Variants in SEMA3A observed in about 807,000 individuals in gnomAD.
SEMA3A encodes the protein semaphorin 3A, also known as semaphorin-3A.
SEMA3A carries 29 observed loss-of-function variants against 97.9 expected under a neutral mutation model. The observed-to-expected ratio is 0.30, with a 90% confidence interval of 0.22 to 0.40. The LOEUF (loss-of-function observed/expected upper bound fraction) is 0.40, where lower values mean the gene tolerates loss of function less well. Ranked by LOEUF, SEMA3A falls within the 10% of genes least tolerant of loss-of-function variation. The pLI is 1.00. For missense variants in SEMA3A, 763 were observed against 951.3 expected (o/e 0.80, Z 2.60); for synonymous variants, 321 against 323.7 (o/e 0.99, Z 0.09).
intron 2 of SEMA3A, among the ~76,000 whole-genome samples, chr7:84,339,878 C>T (rs968057635): frequency 6.6e-6 from 1 of 151,574 alleles, no homozygotes; most frequent in Non-Finnish European, 1.5e-5. Flanking sequence ...ATGAGTAATC[C>T]TAAAAAAAAT....
intron 3 of SEMA3A, among the ~76,000 whole-genome samples, chr7:84,269,823 G>A (rs1044720768): frequency 6.6e-6 from 1 of 151,980 alleles, no homozygotes; most frequent in Non-Finnish European, 1.5e-5. Flanking sequence ...ATTTAATTTA[G>A]TGTTTTTGGC....
At chr7:84,111,854 T>C (rs920290283) in intron 3 of SEMA3A, among the ~76,000 whole-genome samples, 1 of 152,170 alleles carries the variant, frequency 6.6e-6, no homozygotes, top group Non-Finnish European at 1.5e-5. Flanking sequence ...AAAAATTTCC[T>C]AGCTTAAAAG....
intron 1 of SEMA3A, among the ~76,000 whole-genome samples, chr7:84,485,598 C>T (rs1243602340): frequency 6.6e-6 from 1 of 151,956 alleles, no homozygotes; most frequent in Admixed American, 6.5e-5. Flanking sequence ...TAGTCATGAA[C>T]TCCTGGGCTC....
intron 1 of SEMA3A, 55 bp downstream of exon 1, chr7:84,194,420 A>T: frequency 8.8e-7 from 1 of 1,136,698 alleles, no homozygotes; most frequent in Non-Finnish European, 1.3e-6. Flanking sequence ...TCAAGGAATT[A>T]AGGGGGGGGG....
chr7:84,246,512 G>GTT (rs989133110), intron 3 of SEMA3A, among the ~76,000 whole-genome samples: 7 of 151,816 alleles, frequency 4.6e-5, no homozygotes, highest in African/African-American at 1.5e-4. Flanking sequence ...TAAGACAGAG[G>GTT]TTATATATAG....
At chr7:84,265,713 T>C (rs1010899457) in intron 3 of SEMA3A, among the ~76,000 whole-genome samples, 1 of 151,892 alleles carries the variant, frequency 6.6e-6, no homozygotes, top group Non-Finnish European at 1.5e-5. Context: ...CTGTCTACAC[T>C]CCTAGGCCCA....
chr7:84,263,183 C>T (rs1048585925), intron 3 of SEMA3A, among the ~76,000 whole-genome samples: 4 of 151,588 alleles, frequency 2.6e-5, no homozygotes, highest in Admixed American at 2.0e-4. Context: ...TAAATGTATC[C>T]CCAAATTCTA....
chr7:84,126,694 C>T (rs771367734), intron 3 of SEMA3A, among the ~76,000 whole-genome samples: 15 of 152,132 alleles, frequency 9.9e-5, no homozygotes, highest in South Asian at 4.2e-4. Context: ...AGCTTTTTGA[C>T]GTTAATAGAT....
At chr7:83,966,418 G>C (rs1376032926) in intron 15 of SEMA3A, among the ~76,000 whole-genome samples, 2 of 152,084 alleles carry the variant, frequency 1.3e-5, no homozygotes, top group Non-Finnish European at 2.9e-5. Context: ...ACCACAATAG[G>C]TTAATTTGGT....
chr7:84,030,677 A>G lies in SEMA3A; in HGVS notation c.667+15647T>C, dbSNP rs557632119. ...ACACATATATGTTTTTGAAAGAACA[A>G]TTATAATAACAGATTCCTTGAATTA... is the stretch of plus-strand genomic sequence containing the variant. On this transcript the variant is annotated intron_variant, in intron 6 of 16. Transcript: ENST00000265362. Among the ~76,000 whole-genome samples the G allele has an allele frequency of 2.0e-5, 3 of 152,300 alleles. No individual in the cohort carries two copies. The East Asian group carries it at 5.8e-4, about 29-fold the overall frequency.
At chr7:84,463,449 C>G (rs144684573) in intron 1 of SEMA3A, among the ~76,000 whole-genome samples, 3 of 151,732 alleles carry the variant, frequency 2.0e-5, no homozygotes, top group Non-Finnish European at 4.4e-5. Context: ...GGGGTTTCAC[C>G]GTGTTAGCCA....
chr7:84,039,655 T>C (rs1792064850), intron 6 of SEMA3A, among the ~76,000 whole-genome samples: 1 of 152,144 alleles, frequency 6.6e-6, no homozygotes, highest in Non-Finnish European at 1.5e-5. Flanking sequence ...TTGAGAGACA[T>C]AAATGATTTT....
chr7:84,113,743 T>C (rs1795343006), intron 3 of SEMA3A, among the ~76,000 whole-genome samples: 1 of 152,124 alleles, frequency 6.6e-6, no homozygotes, highest in Admixed American at 6.6e-5. Context: ...GGCAACCATA[T>C]TGACCTCTTA....
chr7:84,452,835 G>A (rs951826090), intron 1 of SEMA3A, among the ~76,000 whole-genome samples: 6 of 152,016 alleles, frequency 3.9e-5, no homozygotes, highest in African/African-American at 1.4e-4. Context: ...TTTTCTTTTT[G>A]TTTTGCAACT....
chr7:84,031,932 TA>T (rs1337064712), intron 6 of SEMA3A, among the ~76,000 whole-genome samples: 3 of 152,190 alleles, frequency 2.0e-5, no homozygotes, highest in Admixed American at 6.5e-5. Flanking sequence ...AATCTACAGA[TA>T]AAAACATTGG....
chr7:84,436,610 G>C (rs779602652), intron 1 of SEMA3A, among the ~76,000 whole-genome samples: 1 of 152,054 alleles, frequency 6.6e-6, no homozygotes, highest in African/African-American at 2.4e-5. Context: ...GGGCTTCTCA[G>C]ATATAAGTTC....
At chr7:84,394,811 C>T (rs979899045) in intron 1 of SEMA3A, among the ~76,000 whole-genome samples, 1 of 152,044 alleles carries the variant, frequency 6.6e-6, no homozygotes, top group Non-Finnish European at 1.5e-5. Flanking sequence ...AAAAGAGCTA[C>T]ATAAAATGTA....
intron 12 of SEMA3A, among the ~76,000 whole-genome samples, chr7:83,986,756 A>G (rs1789648237): frequency 6.6e-6 from 1 of 152,154 alleles, no homozygotes; most frequent in South Asian, 2.1e-4. Flanking sequence ...GCCTGGATTC[A>G]AATTGTGATT....
At chr7:84,421,559 T>G (rs911158468) in intron 1 of SEMA3A, among the ~76,000 whole-genome samples, 14 of 152,104 alleles carry the variant, frequency 9.2e-5, no homozygotes, top group African/African-American at 3.4e-4. Context: ...CTATGTTGAA[T>G]AGGAGTGGTG....
Sources: allele counts gnomAD v4.1 joint callset (sites outside exome capture counted in the v4.1 genomes callset), GRCh38; gene constraint gnomAD v4.1.1; transcripts MANE v1.5; gene names NCBI Gene and HGNC (gene_info 2026-07-23, HGNC 2026-07-21).